Variants in PGCKA1 observed in about 807,000 individuals in gnomAD.
PGCKA1 encodes the protein PDCD10 and GCKIII kinases-associated protein 1.
At chr4:37,590,062 A>T in the PGCKA1 span, 1 of 1,568,268 alleles carries the variant, frequency 6.4e-7, no homozygotes, top group Non-Finnish European at 8.7e-7. Flanking sequence ...AGCAGACCTG[A>T]CTGGTTTTCA....
chr4:37,491,883 A>G, the PGCKA1 span, among the ~76,000 whole-genome samples: 1 of 151,876 alleles, frequency 6.6e-6, no homozygotes, highest in Non-Finnish European at 1.5e-5. Flanking sequence ...ATTTTAATTT[A>G]CATTCCTTTG....
chr4:37,554,214 G>A, the PGCKA1 span, among the ~76,000 whole-genome samples: 18 of 152,304 alleles, frequency 1.2e-4, no homozygotes, highest in Admixed American at 8.5e-4. Context: ...CGCCATGATT[G>A]TGAGGCCTCC....
the PGCKA1 span, among the ~76,000 whole-genome samples, chr4:37,521,710 A>G: frequency 6.6e-6 from 1 of 152,222 alleles, no homozygotes; most frequent in African/African-American, 2.4e-5. Flanking sequence ...CATTTGGTCT[A>G]GAGTGCAGAA....
At chr4:37,575,385 T>C in the PGCKA1 span, among the ~76,000 whole-genome samples, 5 of 152,214 alleles carry the variant, frequency 3.3e-5, no homozygotes, top group African/African-American at 1.2e-4. Flanking sequence ...GTTTGCCATT[T>C]GTATGTCTTC....
chr4:37,583,568 C>A, the PGCKA1 span, among the ~76,000 whole-genome samples: 2 of 152,074 alleles, frequency 1.3e-5, no homozygotes, highest in Non-Finnish European at 2.9e-5. Context: ...TCCCGAGTAG[C>A]TGGGACTACA....
the PGCKA1 span, chr4:37,590,548 G>A: frequency 6.2e-7 from 1 of 1,614,192 alleles, no homozygotes; most frequent in Non-Finnish European, 8.5e-7. Context: ...AGACTCCAGA[G>A]CTCCTTCTGA....
chr4:37,564,556 CA>C, the PGCKA1 span, among the ~76,000 whole-genome samples: 1 of 151,866 alleles, frequency 6.6e-6, no homozygotes, highest in Non-Finnish European at 1.5e-5. Flanking sequence ...GCCCAGGCTG[CA>C]GTGCAGTGGC....
the PGCKA1 span, among the ~76,000 whole-genome samples, chr4:37,527,400 C>A: frequency 6.6e-6 from 1 of 152,186 alleles, no homozygotes; most frequent in African/African-American, 2.4e-5. Context: ...CACTCACTGA[C>A]TCACCCAGAG....
At chr4:37,476,922 A>G in the PGCKA1 span, among the ~76,000 whole-genome samples, 3 of 152,210 alleles carry the variant, frequency 2.0e-5, no homozygotes, top group African/African-American at 7.2e-5. Context: ...GGAAGTGGAG[A>G]AACTGCAACC....
chr4:37,520,141 G>A, the PGCKA1 span, among the ~76,000 whole-genome samples: 1 of 152,094 alleles, frequency 6.6e-6, no homozygotes, highest in African/African-American at 2.4e-5. Flanking sequence ...ATCTTTCTAA[G>A]GTATTGTTGA....
At chr4:37,534,885 G>A in the PGCKA1 span, among the ~76,000 whole-genome samples, 1 of 152,240 alleles carries the variant, frequency 6.6e-6, no homozygotes, top group South Asian at 2.1e-4. Context: ...TCAGGCCATA[G>A]CAACATTTAG....
chr4:37,465,561 C>CA, the PGCKA1 span, among the ~76,000 whole-genome samples: 3 of 152,054 alleles, frequency 2.0e-5, no homozygotes, highest in Non-Finnish European at 4.4e-5. Flanking sequence ...CGAGGAGTAC[C>CA]AAGAGAAGTA....
the PGCKA1 span, among the ~76,000 whole-genome samples, chr4:37,490,172 A>T: frequency 6.6e-6 from 1 of 152,148 alleles, no homozygotes; most frequent in South Asian, 2.1e-4. Flanking sequence ...GCTCTCCTGT[A>T]TGTTAATGCA....
the PGCKA1 span, among the ~76,000 whole-genome samples, chr4:37,535,695 C>A: frequency 6.6e-6 from 1 of 152,168 alleles, no homozygotes; most frequent in African/African-American, 2.4e-5. Flanking sequence ...CGCTTTTCCT[C>A]GCAGTAACCC....
chr4:37,533,059 T>TTTGGGGACTTGGGGGGAACAGTGGGAGG, the PGCKA1 span, among the ~76,000 whole-genome samples: 31 of 88,304 alleles, frequency 3.5e-4, no homozygotes, highest in South Asian at 9.0e-4. Flanking sequence ...ACAAATCATC[T>TTTGGGGACTTGGGGGGAACAGTGGGAGG]GGTATGTAAC....
chr4:37,468,891 C>T, the PGCKA1 span, among the ~76,000 whole-genome samples: 1 of 151,920 alleles, frequency 6.6e-6, no homozygotes, highest in African/African-American at 2.4e-5. Flanking sequence ...TCTTAAAATT[C>T]GGAAAAAACG....
chr4:37,529,053 TGC>T, the PGCKA1 span, among the ~76,000 whole-genome samples: 1 of 152,242 alleles, frequency 6.6e-6, no homozygotes, highest in Non-Finnish European at 1.5e-5. Context: ...ATCATATTTG[TGC>T]TTTTATTTCA....
At chr4:37,456,814 G>A in the PGCKA1 span, among the ~76,000 whole-genome samples, 1 of 152,130 alleles carries the variant, frequency 6.6e-6, no homozygotes, top group Non-Finnish European at 1.5e-5. Flanking sequence ...AATGAAACAG[G>A]AAAGATACAA....
the PGCKA1 span, among the ~76,000 whole-genome samples, chr4:37,573,144 G>A: frequency 2.0e-5 from 3 of 152,150 alleles, no homozygotes; most frequent in Admixed American, 6.5e-5. Context: ...TATCATTAAT[G>A]AGAATTCTGT....
Sources: gnomAD v4.1 joint callset for allele counts (sites outside exome capture counted in the v4.1 genomes callset) on GRCh38, gnomAD v4.1.1 for gene constraint, MANE v1.5 for transcripts, NCBI Gene and HGNC (gene_info 2026-07-23, HGNC 2026-07-21) for gene names.